Variants in TSPAN18 observed in about 807,000 individuals in gnomAD.
TSPAN18 encodes tetraspanin 18, also known as tetraspanin-18.
In TSPAN18, 14 loss-of-function variants were observed where a neutral mutation model predicts 27.3. The ratio of observed to expected loss-of-function variants is 0.51; its 90% CI spans 0.34 to 0.80. TSPAN18 has a LOEUF of 0.80. TSPAN18 is among the 30% of genes least tolerant of loss of function. The pLI, the probability that TSPAN18 is intolerant of heterozygous loss-of-function variation, is 0.01. For synonymous variants in TSPAN18, 143 were observed against 136.5 expected, an observed-to-expected ratio of 1.05 and a Z score of -0.33; for missense variants, 268 against 323.9, an observed-to-expected ratio of 0.83 and a Z score of 1.32.
chr11:44,781,495 G>A (rs1206634683), intron 2 of TSPAN18, among the ~76,000 whole-genome samples: 1 of 152,212 alleles, frequency 6.6e-6, no homozygotes, highest in African/African-American at 2.4e-5. Flanking sequence ...TGCAGGAGAA[G>A]GTGCAGTAGC....
intron 3 of TSPAN18, among the ~76,000 whole-genome samples, chr11:44,870,024 C>T (rs1490446745): frequency 1.3e-5 from 2 of 152,348 alleles, no homozygotes; most frequent in South Asian, 4.1e-4. Flanking sequence ...TGGGCCTTGC[C>T]CCCTACCATA....
At chr11:44,887,572 G>A (rs1858698530) in intron 3 of TSPAN18, among the ~76,000 whole-genome samples, 1 of 152,192 alleles carries the variant, frequency 6.6e-6, no homozygotes, top group African/African-American at 2.4e-5. Context: ...CATTTAGGAG[G>A]TAAAAGTAAG....
At chr11:44,761,135 C>A (rs1333022226) in intron 1 of TSPAN18, among the ~76,000 whole-genome samples, 1 of 152,176 alleles carries the variant, frequency 6.6e-6, no homozygotes, top group Non-Finnish European at 1.5e-5. Flanking sequence ...AGGATTTCAA[C>A]CTGTGCCACC....
intron 2 of TSPAN18, among the ~76,000 whole-genome samples, chr11:44,814,384 G>T (rs1219518806): frequency 6.6e-6 from 1 of 152,066 alleles, no homozygotes; most frequent in East Asian, 1.9e-4. Flanking sequence ...GTCTTGTCTT[G>T]AGTTTTCTCA....
At chr11:44,790,518 T>G (rs1319362197) in intron 2 of TSPAN18, among the ~76,000 whole-genome samples, 1 of 143,384 alleles carries the variant, frequency 7.0e-6, no homozygotes, top group Non-Finnish European at 1.5e-5. Context: ...TGTGCATGTG[T>G]TTTTGGTGTG....
chr11:44,731,668 G>A (rs189230967), intron 1 of TSPAN18, among the ~76,000 whole-genome samples: 1 of 149,008 alleles, frequency 6.7e-6, no homozygotes, highest in East Asian at 2.0e-4. Context: ...ATCTGTCTTT[G>A]GGGTAGAAGG....
intron 2 of TSPAN18, among the ~76,000 whole-genome samples, chr11:44,858,923 T>A (rs927505115): frequency 6.6e-5 from 10 of 152,136 alleles, no homozygotes; most frequent in Admixed American, 5.9e-4. Flanking sequence ...TATCATGCCC[T>A]TTTGGAAAAT....
Position 44,929,989 on chromosome 11 carries a change from C to T in TSPAN18, c.*811C>T, listed in dbSNP as rs1860505036. On this transcript the variant is annotated 3_prime_UTR_variant, in exon 10 of 10. Coordinates refer to ENST00000520358, the MANE Select transcript of TSPAN18 (RefSeq NM_130783.5). ...CAAGTCAGCCAGGAACTGCCTCCTC[C>T]CTGCTCTACAGCTAAGAAAACACCA... is the stretch of plus-strand genomic sequence containing the variant. 6.6e-6 allele frequency: 1 copy of T among 152,458 alleles called. No individual in the cohort carries two copies. The highest frequency in any genetic ancestry group is 2.1e-4 in the South Asian group (1 of 4,832). 9.4% of individuals were successfully genotyped at this position (152,458 alleles called of 1,614,324 possible).
intron 2 of TSPAN18, among the ~76,000 whole-genome samples, chr11:44,826,061 C>T (rs1175521035): frequency 1.3e-5 from 2 of 152,176 alleles, no homozygotes; most frequent in Non-Finnish European, 2.9e-5. Flanking sequence ...AGATAGGGGC[C>T]ACACTCTTAC....
intron 1 of TSPAN18, among the ~76,000 whole-genome samples, chr11:44,728,209 C>T (rs1487370686): frequency 6.6e-6 from 1 of 152,116 alleles, no homozygotes. Context: ...TATAACTGCG[C>T]CGTGGGCTGG....
chr11:44,862,158 C>T (rs1008038818), intron 3 of TSPAN18, among the ~76,000 whole-genome samples: 4 of 152,152 alleles, frequency 2.6e-5, no homozygotes, highest in East Asian at 3.9e-4. Flanking sequence ...CAGAGGGGGA[C>T]GGGCACTGGT....
At chr11:44,790,574 G>T (rs1345115372) in intron 2 of TSPAN18, among the ~76,000 whole-genome samples, 1 of 150,162 alleles carries the variant, frequency 6.7e-6, no homozygotes, top group Non-Finnish European at 1.5e-5. Context: ...GTGTGTGTGT[G>T]CATGTGTGTG....
chr11:44,864,685 GC>G (rs775760743), intron 3 of TSPAN18, among the ~76,000 whole-genome samples: 6 of 152,250 alleles, frequency 3.9e-5, no homozygotes, highest in Non-Finnish European at 5.9e-5. Flanking sequence ...TCCCAGTTCA[GC>G]ATCAGGAAAA....
chr11:44,837,263 C>T, intron 2 of TSPAN18, among the ~76,000 whole-genome samples: 1 of 152,086 alleles, frequency 6.6e-6, no homozygotes, highest in East Asian at 1.9e-4. Flanking sequence ...GATTCTCAAC[C>T]CTTATGAGTG....
chr11:44,781,300 C>G (rs1411683712), intron 2 of TSPAN18, among the ~76,000 whole-genome samples: 1 of 152,252 alleles, frequency 6.6e-6, no homozygotes, highest in Non-Finnish European at 1.5e-5. Flanking sequence ...GGAGGGAGCT[C>G]TTCCATGCAG....
intron 2 of TSPAN18, among the ~76,000 whole-genome samples, chr11:44,795,940 G>A (rs998060321): frequency 1.3e-5 from 2 of 152,084 alleles, no homozygotes; most frequent in African/African-American, 4.8e-5. Flanking sequence ...GACACAGCCT[G>A]TCACTGTCAC....
chr11:44,887,430 A>G (rs1278442900), intron 3 of TSPAN18, among the ~76,000 whole-genome samples: 7 of 152,168 alleles, frequency 4.6e-5, no homozygotes, highest in Non-Finnish European at 1.0e-4. Flanking sequence ...GCCTTGGGGG[A>G]GTCACTTCAT....
chr11:44,766,268 T>G (rs1041737617), intron 2 of TSPAN18, among the ~76,000 whole-genome samples: 4 of 152,184 alleles, frequency 2.6e-5, no homozygotes, highest in Admixed American at 2.6e-4. Context: ...GCTGAGGCCT[T>G]AGTGGACAGT....
At chr11:44,752,376 ACTTT>A (rs1286674710) in intron 1 of TSPAN18, among the ~76,000 whole-genome samples, 1 of 150,934 alleles carries the variant, frequency 6.6e-6, no homozygotes, top group Non-Finnish European at 1.5e-5. Context: ...CAGCAGAACA[ACTTT>A]CTTTCTTTCT....
Sources: gnomAD v4.1 joint callset for allele counts (sites outside exome capture counted in the v4.1 genomes callset) on GRCh38, gnomAD v4.1.1 for gene constraint, MANE v1.5 for transcripts, NCBI Gene and HGNC (gene_info 2026-07-23, HGNC 2026-07-21) for gene names.